WIPI2: variants seen among roughly 807,000 people sequenced by gnomAD.
WIPI2 encodes WD repeat domain, phosphoinositide interacting 2, also known as WD repeat domain phosphoinositide-interacting protein 2.
WIPI2 carries 28 observed loss-of-function variants against 52.3 expected under a neutral mutation model. That is an observed-to-expected ratio of 0.54 (90% CI 0.40 to 0.73). The LOEUF is 0.73. Among genes scored for constraint, WIPI2 ranks in the 30% least tolerant of loss-of-function variants. The pLI, the probability that WIPI2 is intolerant of heterozygous loss-of-function variation, is 0.00. For missense variants in WIPI2, 506 were observed against 602.9 expected (o/e 0.84, Z 1.68); for synonymous variants, 268 against 245.0 (o/e 1.09, Z -0.88).
At chr7:5,195,394 G>C (rs1781698912) in intron 2 of WIPI2, among the ~76,000 whole-genome samples, 1 of 152,140 alleles carries the variant, frequency 6.6e-6, no homozygotes, top group Non-Finnish European at 1.5e-5. Flanking sequence ...GCTGAGATGG[G>C]AGGATCCCTT....
At chr7:5,218,110 A>G in intron 7 of WIPI2, 96 bp downstream of exon 7, 1 of 1,309,160 alleles carries the variant, frequency 7.6e-7, no homozygotes, top group Non-Finnish European at 1.1e-6. Flanking sequence ...AAGGTCCTAT[A>G]CTTACCAGCT....
Position 5,193,550 on chromosome 7 carries a change from G to C in WIPI2, c.128+379G>C, listed in dbSNP as rs529578657. Among the ~76,000 whole-genome samples, 3 of 152,252 alleles carry C rather than the reference G, an allele frequency of 2.0e-5. No individual in the cohort carries two copies. The South Asian group carries it at 6.2e-4, about 32-fold the overall frequency. ...GGGAAGGTACTGCTCTCCTCTCTTTGTTCATCTGTAAATCAAGGGTTTGGG... is the reference window on the plus strand; with the variant it reads ...GGGAAGGTACTGCTCTCCTCTCTTTCTTCATCTGTAAATCAAGGGTTTGGG... On this transcript the variant is annotated intron_variant, in intron 2 of 12. Transcript: ENST00000288828.
rs941508842 is a variant in WIPI2, at chr7:5,218,090, C to T, written c.669+76C>T. On this transcript the variant is annotated intron_variant, in intron 7 of 12. Coordinates refer to ENST00000288828, the MANE Select transcript of WIPI2 (RefSeq NM_015610.4). ...TTTTTCAGTTCTGTTCACACAGCCACCTTAGAGGCAAGGTCCTATACTTAC... is the reference window on the plus strand; with the variant it reads ...TTTTTCAGTTCTGTTCACACAGCCATCTTAGAGGCAAGGTCCTATACTTAC... 5 of 1,485,026 alleles carry T rather than the reference C, an allele frequency of 3.4e-6. No individual in the cohort carries two copies. In the African/African-American group the frequency reaches 4.1e-5, roughly 12 times the overall value. The allele number at this position is 1,485,026 out of a possible 1,614,324, so 92.0% of individuals were successfully genotyped here.
intron 9 of WIPI2, chr7:5,226,137 C>T (rs897711050): frequency 3.5e-6 from 2 of 578,424 alleles, no homozygotes; most frequent in African/African-American, 3.7e-5. Flanking sequence ...CTCCCACAGG[C>T]AGCACGCAGG....
intron 10 of WIPI2, 64 bp from the exon 11 acceptor site, chr7:5,228,040 G>A (rs1008892379): frequency 6.6e-5 from 100 of 1,518,284 alleles, no homozygotes; most frequent in Non-Finnish European, 8.9e-5. Context: ...AAGTGAGGCC[G>A]CCATGTAGTA....
intron 6 of WIPI2, 167 bp downstream of exon 6, chr7:5,217,354 G>T (rs1358704771): frequency 1.4e-6 from 1 of 705,744 alleles, no homozygotes; most frequent in Non-Finnish European, 2.4e-6. Flanking sequence ...GCCCATGCTG[G>T]AGTGCAGTGG....
chr7:5,213,950 G>A (rs973732777), intron 3 of WIPI2, among the ~76,000 whole-genome samples: 3 of 152,236 alleles, frequency 2.0e-5, no homozygotes, highest in African/African-American at 4.8e-5. Flanking sequence ...CTCCCAAAGT[G>A]CTGGGATTAC....
intron 3 of WIPI2, chr7:5,214,323 A>G: frequency 6.4e-7 from 1 of 1,561,556 alleles, no homozygotes. Context: ...GTGAGGGGCC[A>G]TCCTTAGAGT....
At chr7:5,215,576 G>T (rs1245178571) in intron 4 of WIPI2, among the ~76,000 whole-genome samples, 1 of 152,210 alleles carries the variant, frequency 6.6e-6, no homozygotes, top group African/African-American at 2.4e-5. Flanking sequence ...AAGCTGATTA[G>T]GCTGCTGGCT....
At position 5,227,529 on chromosome 7, in the gene WIPI2, G is replaced by T. The variant is rs542817333; in HGVS notation, c.1013+185G>T. On this transcript the variant is annotated intron_variant, in intron 10 of 12. Coordinates refer to ENST00000288828, the MANE Select transcript of WIPI2 (RefSeq NM_015610.4). The surrounding 1 kb of genome is among the most constrained non-coding windows in gnomAD (Gnocchi z 8.1). ...CACTAGGCTTGCCGCTCTGTGCGGG[G>T]GTCCATTTCCAGACGGGCTCCCGTT... is the stretch of plus-strand genomic sequence containing the variant. Among the ~76,000 whole-genome samples the T allele has an allele frequency of 4.2e-4, 64 of 152,320 alleles. No individual in the cohort carries two copies. The highest frequency in any genetic ancestry group is 7.2e-4 in the Non-Finnish European group (49 of 68,028).
At chr7:5,220,868 A>G (rs575437013) in intron 7 of WIPI2, among the ~76,000 whole-genome samples, 1 of 151,770 alleles carries the variant, frequency 6.6e-6, no homozygotes, top group African/African-American at 2.4e-5. Flanking sequence ...ATCTCAGCTC[A>G]CTGCAGCCTC....
At chr7:5,194,018 G>A (rs759343044) in intron 2 of WIPI2, among the ~76,000 whole-genome samples, 13 of 152,218 alleles carry the variant, frequency 8.5e-5, no homozygotes, top group African/African-American at 1.4e-4. Context: ...AGACTGTCTC[G>A]CCATCAGGAC....
intron 7 of WIPI2, among the ~76,000 whole-genome samples, chr7:5,221,705 A>G (rs1414106293): frequency 6.6e-6 from 1 of 152,182 alleles, no homozygotes; most frequent in Admixed American, 6.5e-5. Flanking sequence ...GACACTTCCC[A>G]TTAAAGCAGG....
chr7:5,192,859 C>T (rs923165833), intron 1 of WIPI2, among the ~76,000 whole-genome samples: 4 of 152,202 alleles, frequency 2.6e-5, no homozygotes, highest in East Asian at 3.8e-4. Flanking sequence ...CTAGAACTCA[C>T]ATTTACTGTA....
Position 5,222,704 on chromosome 7 carries a change from G to T in WIPI2, c.740+32G>T, listed in dbSNP as rs781461745. 6.3e-6 allele frequency: 10 copies of T among 1,591,614 alleles called. No individual in the cohort carries two copies. The African/African-American group carries it at 1.1e-4, about 17-fold the overall frequency. ...TACGTGAATGTCCAGAATGGATTCTGGAGGTTGTATTTGGATTTCAGTTTT... is the reference window on the plus strand; with the variant it reads ...TACGTGAATGTCCAGAATGGATTCTTGAGGTTGTATTTGGATTTCAGTTTT... On this transcript the variant is annotated intron_variant, in intron 8 of 12. Transcript: ENST00000288828.
chr7:5,232,635 C>G lies in WIPI2; in HGVS notation c.*1688C>G, dbSNP rs10242373. 1.4e-4 allele frequency: 37 copies of G among 259,796 alleles called. No homozygotes were observed. Among genetic ancestry groups the G allele is most frequent in the Non-Finnish European group, 2.4e-4 (33 of 138,540 alleles). 16.1% of individuals were successfully genotyped at this position (259,796 alleles called of 1,614,324 possible). ...GAGAAGGGCCGCGGCAGCACGCAGC[C>G]TTGACCCACGCCTGCGTCTTGTGGT... On this transcript the variant is annotated 3_prime_UTR_variant, in exon 13 of 13. Coordinates refer to ENST00000288828, the MANE Select transcript of WIPI2 (RefSeq NM_015610.4).
At chr7:5,226,407 A>T (rs1180575300) in intron 9 of WIPI2, 1 of 172,228 alleles carries the variant, frequency 5.8e-6, no homozygotes, top group Non-Finnish European at 1.2e-5. Flanking sequence ...CCCAGGCTGC[A>T]GTGCAGTGGT....
In WIPI2 at chr7:5,230,279, C is replaced by T. The variant is rs1232491292; in HGVS notation, c.1252+541C>T. On this transcript the variant is annotated intron_variant, in intron 12 of 12. Coordinates refer to ENST00000288828, the MANE Select transcript of WIPI2 (RefSeq NM_015610.4). This position sits in a 1 kb window ranked among gnomAD's most constrained non-coding sequence, Gnocchi z 4.8. ...GCCTTCATGCTGGGCCTGTGAAGTGCAGAAGCTGTAGGGGAATGAGGCCAA... is the reference window on the plus strand; with the variant it reads ...GCCTTCATGCTGGGCCTGTGAAGTGTAGAAGCTGTAGGGGAATGAGGCCAA... Among the ~76,000 whole-genome samples, 1 of 152,198 alleles carries T rather than the reference C, an allele frequency of 6.6e-6. No individual in the cohort carries two copies. Among genetic ancestry groups the T allele is most frequent in the Non-Finnish European group, 1.5e-5 (1 of 68,032 alleles).
chr7:5,225,814 T>C lies in WIPI2; in HGVS notation c.741-9T>C. The C allele has an allele frequency of 6.2e-7, 1 of 1,603,584 alleles. No homozygotes were observed. Among genetic ancestry groups the C allele is most frequent in the Non-Finnish European group, 8.5e-7 (1 of 1,174,106 alleles). ...CCGGTGGCCCGCCCCAACCTGTGCG[T>C]CTCCCCAGGTGCGTGAGCATCTGCT... On this transcript the variant is annotated splice_polypyrimidine_tract_variant and intron_variant, in intron 8 of 12. Transcript: ENST00000288828.
Sources: gnomAD v4.1 joint callset for allele counts (sites outside exome capture counted in the v4.1 genomes callset) on GRCh38, gnomAD v4.1.1 for gene constraint, Gnocchi (gnomAD v3.1) non-coding constraint, MANE v1.5 for transcripts, NCBI Gene and HGNC (gene_info 2026-07-23, HGNC 2026-07-21) for gene names.